The following TMC1 variants were observed in gnomAD, a reference collection of about 807,000 sequenced individuals.
The protein encoded by TMC1 is transmembrane channel-like protein 1.
A neutral mutation model predicts 105.8 loss-of-function variants in TMC1; 84 were observed. That is an observed-to-expected ratio of 0.79 (90% CI 0.67 to 0.95). The LOEUF (loss-of-function observed/expected upper bound fraction) is 0.95. TMC1 is among the 40% of genes least tolerant of loss of function. The probability of loss-of-function intolerance (pLI) is 0.00; values close to 1 mark genes in which losing one functional copy is unlikely to be tolerated. For synonymous variants in TMC1, 315 were observed against 311.5 expected, an observed-to-expected ratio of 1.01 and a Z score of -0.12; for missense variants, 817 against 914.1, an observed-to-expected ratio of 0.89 and a Z score of 1.37.
At chr9:72,637,806 G>A (rs1463863120) in intron 4 of TMC1, among the ~76,000 whole-genome samples, 2 of 152,176 alleles carry the variant, frequency 1.3e-5, no homozygotes, top group Non-Finnish European at 2.9e-5. Flanking sequence ...TTCAAGCCAC[G>A]TCCTTAGATG....
At chr9:72,763,804 CAATTAAAAGTAACTT>C (rs1448653155) in intron 12 of TMC1, among the ~76,000 whole-genome samples, 1 of 150,994 alleles carries the variant, frequency 6.6e-6, no homozygotes, top group Non-Finnish European at 1.5e-5. Flanking sequence ...TTTCTCAGAG[CAATTAAAAGTAACTT>C]AAGTGGGGGG....
intron 1 of TMC1, among the ~76,000 whole-genome samples, chr9:72,524,575 T>C (rs964028304): frequency 6.6e-6 from 1 of 152,212 alleles, no homozygotes; most frequent in South Asian, 2.1e-4. Flanking sequence ...TTAACTCTAA[T>C]ACATGTTATA....
chr9:72,692,709 T>C (rs999146731), intron 6 of TMC1, among the ~76,000 whole-genome samples: 3 of 152,172 alleles, frequency 2.0e-5, no homozygotes, highest in African/African-American at 7.2e-5. Flanking sequence ...GGGTAAATAT[T>C]CAGAATGCCA....
intron 5 of TMC1, among the ~76,000 whole-genome samples, chr9:72,666,258 T>TAA (rs35725345): frequency 1.4e-5 from 2 of 138,714 alleles, no homozygotes; most frequent in African/African-American, 2.7e-5. Context: ...CTGTCTCTAT[T>TAA]AAAAAAAAAA....
chr9:72,544,734 C>G (rs1823736282), intron 1 of TMC1, among the ~76,000 whole-genome samples: 1 of 151,634 alleles, frequency 6.6e-6, no homozygotes, highest in Non-Finnish European at 1.5e-5. Context: ...CCCACCTCGG[C>G]CTCCCAAAGT....
intron 1 of TMC1, among the ~76,000 whole-genome samples, chr9:72,568,813 T>C (rs919446240): frequency 4.0e-5 from 6 of 149,902 alleles, no homozygotes; most frequent in African/African-American, 1.5e-4. Context: ...ATCTTCAAAA[T>C]TAAACATATC....
At chr9:72,730,569 G>C (rs147297523) in intron 8 of TMC1, among the ~76,000 whole-genome samples, 27 of 152,148 alleles carry the variant, frequency 1.8e-4, no homozygotes, top group African/African-American at 6.3e-4. Flanking sequence ...TAATTTAGCT[G>C]TCCCCAACCT....
rs531827442 is a variant in TMC1, at chr9:72,618,002, C to T, written c.-196+1525C>T. 2.5e-3 allele frequency among the ~76,000 whole-genome samples: 352 copies of T among 139,544 alleles called. 3 individuals carry two copies. The highest frequency in any genetic ancestry group is 8.9e-3 in the African/African-American group (333 of 37,506). 91.5% of individuals were successfully genotyped at this position (139,544 alleles called of 152,430 possible). On this transcript the variant is annotated intron_variant, in intron 3 of 23. Transcript: ENST00000297784. Reference sequence around the variant, plus strand: ...AAAAAGGTGAAGACAAGGATAGGAGCGAGACTTCTCTGGGTACATCTTTTT... The same window carrying T: ...AAAAAGGTGAAGACAAGGATAGGAGTGAGACTTCTCTGGGTACATCTTTTT...
chr9:72,689,082 G>C (rs374952984), intron 6 of TMC1, among the ~76,000 whole-genome samples: 1 of 152,148 alleles, frequency 6.6e-6, no homozygotes, highest in African/African-American at 2.4e-5. Context: ...CAAAGATAGA[G>C]AAAATTGTCC....
intron 8 of TMC1, among the ~76,000 whole-genome samples, chr9:72,712,406 G>A (rs897876909): frequency 1.3e-5 from 2 of 152,118 alleles, no homozygotes; most frequent in African/African-American, 4.8e-5. Context: ...CATGAACATG[G>A]AATGTTTTTC....
chr9:72,562,588 A>G (rs550097684), intron 1 of TMC1, among the ~76,000 whole-genome samples: 2 of 152,338 alleles, frequency 1.3e-5, no homozygotes, highest in South Asian at 2.1e-4. Flanking sequence ...TGTGTCAGAC[A>G]TTGTATTGGA....
intron 1 of TMC1, among the ~76,000 whole-genome samples, chr9:72,576,950 C>T (rs1228006679): frequency 6.6e-6 from 1 of 152,022 alleles, no homozygotes; most frequent in Non-Finnish European, 1.5e-5. Context: ...CAATTTCTAC[C>T]TCCTGGAACG....
chr9:72,541,203 G>A (rs1336056955), intron 1 of TMC1, among the ~76,000 whole-genome samples: 1 of 152,072 alleles, frequency 6.6e-6, no homozygotes, highest in African/African-American at 2.4e-5. Context: ...CACCTATTTT[G>A]ATGCCAAATC....
chr9:72,681,529 G>C (rs1276645392), intron 5 of TMC1, among the ~76,000 whole-genome samples: 1 of 152,058 alleles, frequency 6.6e-6, no homozygotes, highest in East Asian at 1.9e-4. Flanking sequence ...GCCATTTGCA[G>C]AACCAGGCTT....
At chr9:72,540,775 G>A (rs776755268) in intron 1 of TMC1, among the ~76,000 whole-genome samples, 10 of 152,124 alleles carry the variant, frequency 6.6e-5, no homozygotes, top group Admixed American at 3.9e-4. Context: ...CACAGGCCCC[G>A]TAGCTGAACT....
intron 20 of TMC1, among the ~76,000 whole-genome samples, chr9:72,822,490 T>A (rs1828890071): frequency 6.6e-6 from 1 of 151,084 alleles, no homozygotes; most frequent in African/African-American, 2.4e-5. Context: ...AGAGAACTGA[T>A]GTTGAGAAGC....
chr9:72,533,577 T>G lies in TMC1; in HGVS notation c.-428+11664T>G, dbSNP rs1445044533. 2.0e-5 allele frequency among the ~76,000 whole-genome samples: 3 copies of G among 152,040 alleles called. No homozygotes were observed. In the South Asian group the frequency reaches 6.2e-4, roughly 32 times the overall value. On this transcript the variant is annotated intron_variant, in intron 1 of 23. Transcript: ENST00000297784. ...AACCTTGCATGACTTGTCATGTGAGTTACTGTTCTGGAGAGACAAACTCAG... is the reference window on the plus strand; with the variant it reads ...AACCTTGCATGACTTGTCATGTGAGGTACTGTTCTGGAGAGACAAACTCAG...
At chr9:72,801,885 T>C (rs1367589464) in intron 17 of TMC1, among the ~76,000 whole-genome samples, 1 of 152,194 alleles carries the variant, frequency 6.6e-6, no homozygotes, top group Admixed American at 6.5e-5. Context: ...TGAATCTTCT[T>C]CAGATATTTT....
intron 2 of TMC1, among the ~76,000 whole-genome samples, chr9:72,587,399 C>A (rs1010543862): frequency 6.6e-6 from 1 of 152,176 alleles, no homozygotes; most frequent in Non-Finnish European, 1.5e-5. Flanking sequence ...CTCAGATGAT[C>A]CACCCACCTC....
Sources: allele counts gnomAD v4.1 joint callset (sites outside exome capture counted in the v4.1 genomes callset), GRCh38; gene constraint gnomAD v4.1.1; transcripts MANE v1.5; gene names NCBI Gene and HGNC (gene_info 2026-07-23, HGNC 2026-07-21).